The following HDHD2 variants were observed in gnomAD, a reference collection of about 807,000 sequenced individuals.
HDHD2 encodes the protein haloacid dehalogenase like hydrolase domain containing 2, also known as haloacid dehalogenase-like hydrolase domain-containing protein 2.
In HDHD2, 26 loss-of-function variants were observed where a neutral mutation model predicts 24.8. That is an observed-to-expected ratio of 1.05 (90% confidence interval 0.77 to 1.45). The LOEUF is 1.45. HDHD2 is among the 40% of genes most tolerant of loss of function. The pLI is 0.00. For missense variants in HDHD2, 299 were observed against 313.4 expected, an observed-to-expected ratio of 0.95 and a Z score of 0.35; for synonymous variants, 128 against 114.9, an observed-to-expected ratio of 1.11 and a Z score of -0.73.
intron 6 of HDHD2, chr18:47,109,862 AG>A (rs1318989600): frequency 5.0e-6 from 2 of 401,824 alleles, no homozygotes; most frequent in Non-Finnish European, 6.7e-6. Flanking sequence ...TATTTGAGAC[AG>A]GGGCTATATC....
intron 1 of HDHD2, chr18:47,137,002 G>C: frequency 1.6e-6 from 1 of 635,110 alleles, no homozygotes; most frequent in Non-Finnish European, 2.9e-6. Context: ...CAGCTGAGGA[G>C]ACTCTGGCAG....
chr18:47,146,981 C>T (rs1251441940), intron 1 of HDHD2, among the ~76,000 whole-genome samples: 4 of 152,110 alleles, frequency 2.6e-5, no homozygotes, highest in African/African-American at 9.7e-5. Context: ...ATACTATAAT[C>T]ATTTTAAACA....
chr18:47,134,401 G>T (rs914672396), intron 3 of HDHD2, 95 bp downstream of exon 3: 2 of 886,006 alleles, frequency 2.3e-6, no homozygotes, highest in African/African-American at 1.7e-5. Context: ...GAAAAACGGG[G>T]AAATCAGAAT....
Position 47,136,358 on chromosome 18 carries a change from C to A in HDHD2, c.82G>T (p.Ala28Ser), listed in dbSNP as rs142900978. 2.5e-6 allele frequency: 4 copies of A among 1,613,422 alleles called. No individual in the cohort carries two copies. Among genetic ancestry groups the A allele is most frequent in the African/African-American group, 1.3e-5 (1 of 74,930 alleles). The change falls in exon 2 of 7, where the codon GCA becomes TCA. Residue 28 changes from alanine (A) to serine (S), a missense_variant. Ala to Ser is a moderately conservative substitution (Grantham distance 99). Coordinates refer to ENST00000300605, the MANE Select transcript of HDHD2 (RefSeq NM_032124.5). ...GCTTGCCTTTTAAGAGCTTCCTGTG[C>A]GCCTGGCACAGCTGCATCTTCAATG... ...LHIEDAAVPGAQEALKRLRGA... is the reference protein window; with the variant it reads ...LHIEDAAVPGSQEALKRLRGA...
chr18:47,136,006 A>G (rs559939931), intron 2 of HDHD2, among the ~76,000 whole-genome samples: 1 of 152,318 alleles, frequency 6.6e-6, no homozygotes, highest in South Asian at 2.1e-4. Context: ...TTATTTTGTG[A>G]TTCCAGGATT....
rs534078264 is a variant in HDHD2, at chr18:47,141,662, A to G, written c.-10-5213T>C. On this transcript the variant is annotated intron_variant, in intron 1 of 6. Coordinates refer to ENST00000300605, the MANE Select transcript of HDHD2 (RefSeq NM_032124.5). The stretch of plus-strand genomic sequence containing the variant: ...CTATGTCATTTAGTTTGTTGCTAAA[A>G]TTGTTTTAGCTTTGGCCATTGAGAG... 1.8e-4 allele frequency among the ~76,000 whole-genome samples: 28 copies of G among 152,096 alleles called. No homozygotes were observed. The South Asian group carries it at 5.6e-3, about 30-fold the overall frequency.
At chr18:47,126,703 A>G (rs763378848) in intron 4 of HDHD2, among the ~76,000 whole-genome samples, 3 of 152,160 alleles carry the variant, frequency 2.0e-5, no homozygotes, top group Non-Finnish European at 4.4e-5. Context: ...TTCTTAATAT[A>G]GGGAAAAAAG....
At position 47,133,191 on chromosome 18, in the gene HDHD2, T is replaced by C. The variant is rs574439152; in HGVS notation, c.310+1305A>G. Among the ~76,000 whole-genome samples, 762 of 147,370 alleles carry C rather than the reference T, an allele frequency of 5.2e-3. 8 individuals are homozygous for C. The highest frequency in any genetic ancestry group is 0.018 in the African/African-American group (707 of 39,690). ...CCCCAGTGTGTGATGTTCCCCTTCC[T>C]GTGTCCATGTGTTCTCATTGTTCAA... On this transcript the variant is annotated intron_variant, in intron 3 of 6. Coordinates refer to ENST00000300605, the MANE Select transcript of HDHD2 (RefSeq NM_032124.5).
intron 4 of HDHD2, 61 bp downstream of exon 4, chr18:47,130,183 A>T: frequency 9.4e-7 from 1 of 1,061,194 alleles, no homozygotes; most frequent in Non-Finnish European, 1.4e-6. Context: ...CATGACAATG[A>T]CAAAAGGAAA....
chr18:47,128,584 C>T (rs1005217149), intron 4 of HDHD2, among the ~76,000 whole-genome samples: 3 of 152,122 alleles, frequency 2.0e-5, no homozygotes, highest in East Asian at 1.9e-4. Flanking sequence ...AGTGATCTGA[C>T]GTTAACAGTG....
At chr18:47,111,508 GGA>G in intron 6 of HDHD2, 2 of 985,224 alleles carry the variant, frequency 2.0e-6, no homozygotes, top group Non-Finnish European at 2.4e-6. Flanking sequence ...AAAGATACAT[GGA>G]GGCTGACGAG....
At chr18:47,143,781 C>A (rs1002673041) in intron 1 of HDHD2, among the ~76,000 whole-genome samples, 13 of 152,088 alleles carry the variant, frequency 8.5e-5, no homozygotes, top group Non-Finnish European at 1.5e-4. Flanking sequence ...AAAATTATAT[C>A]CATCTTTAAA....
At chr18:47,133,826 TG>T (rs2063736960) in intron 3 of HDHD2, among the ~76,000 whole-genome samples, 2 of 151,436 alleles carry the variant, frequency 1.3e-5, no homozygotes, top group African/African-American at 4.8e-5. Context: ...TTGATGGGGT[TG>T]TTTTTTTCTT....
chr18:47,139,768 T>C (rs1438954458), intron 1 of HDHD2, among the ~76,000 whole-genome samples: 1 of 152,206 alleles, frequency 6.6e-6, no homozygotes, highest in African/African-American at 2.4e-5. Flanking sequence ...GCTGCAGAAC[T>C]GATTGCTTGC....
At chr18:47,119,309 C>G (rs1345094198) in intron 4 of HDHD2, among the ~76,000 whole-genome samples, 6 of 152,188 alleles carry the variant, frequency 3.9e-5, no homozygotes. Context: ...ACAACAGAAA[C>G]TCTTTCAAAA....
chr18:47,146,281 C>T (rs1482590371), intron 1 of HDHD2, among the ~76,000 whole-genome samples: 3 of 147,402 alleles, frequency 2.0e-5, no homozygotes, highest in Admixed American at 1.3e-4. Flanking sequence ...AATGAAGATA[C>T]TCAAAGCTCA....
At chr18:47,109,890 GTAT>G in intron 6 of HDHD2, 1 of 725,078 alleles carries the variant, frequency 1.4e-6, no homozygotes, top group Non-Finnish European at 1.7e-6. Context: ...ATGTCCCAAT[GTAT>G]TCCAAGTACC....
At position 47,134,495 on chromosome 18, in the gene HDHD2, C is replaced by T. The variant is rs1466356668; in HGVS notation, c.310+1G>A. On this transcript the variant is annotated splice_donor_variant, in intron 3 of 6. Transcript: ENST00000300605. LOFTEE classifies it high-confidence loss of function. ...CTTTAAATTTTCCAAATTTCCCCTA[C>T]CTTTGAAATCAGGTAGTGCCCGATC... is the stretch of plus-strand genomic sequence containing the variant. 2.5e-6 allele frequency: 4 copies of T among 1,611,322 alleles called. No individual in the cohort carries two copies. The highest frequency in any genetic ancestry group is 1.7e-5 in the Admixed American group (1 of 59,878).
rs184290319 is a variant in HDHD2 at position 47,109,134 on chromosome 18, T to A, written c.677-349A>T. 8.3e-3 allele frequency: 1,669 copies of A among 201,976 alleles called. 16 individuals are homozygous for A. The highest frequency in any genetic ancestry group is 0.012 in the Non-Finnish European group (1,177 of 101,814). 12.5% of individuals were successfully genotyped at this position (201,976 alleles called of 1,614,324 possible). On this transcript the variant is annotated intron_variant, in intron 6 of 6. Transcript: ENST00000300605. ...TAGATTGGTGATTAAATTAATGCTT[T>A]AAAATGGAAGCCCAGACCCCAGAGG...
Sources: gnomAD v4.1 joint callset for allele counts (sites outside exome capture counted in the v4.1 genomes callset) on GRCh38, gnomAD v4.1.1 for gene constraint, MANE v1.5 for transcripts, NCBI Gene and HGNC (gene_info 2026-07-23, HGNC 2026-07-21) for gene names.